Variants in ZNF831 observed in about 807,000 individuals in gnomAD.
ZNF831 encodes zinc finger protein 831, also known as chromosome 20 open reading frame 174.
Under a neutral mutation model 95.8 loss-of-function variants are expected in ZNF831, and 59 were observed. The observed-to-expected ratio is 0.62, with a 90% CI of 0.50 to 0.77. The LOEUF (loss-of-function observed/expected upper bound fraction) is 0.77, where lower values mean the gene tolerates loss of function less well. Ranked by LOEUF, ZNF831 falls within the 30% of genes least tolerant of loss-of-function variation. ZNF831 has a pLI of 0.00. For synonymous variants in ZNF831, 961 were observed against 925.5 expected, an observed-to-expected ratio of 1.04 and a Z score of -0.70; for missense variants, 2,205 against 2,164.0, an observed-to-expected ratio of 1.02 and a Z score of -0.38.
intron 4 of ZNF831, among the ~76,000 whole-genome samples, chr20:59,213,488 C>T (rs1472727019): frequency 1.3e-5 from 2 of 152,216 alleles, no homozygotes; most frequent in African/African-American, 4.8e-5. Flanking sequence ...ACCTTGTTTA[C>T]CAAGCTGCTA....
chr20:59,249,931 G>C (rs1987800615), intron 4 of ZNF831, among the ~76,000 whole-genome samples: 1 of 152,162 alleles, frequency 6.6e-6, no homozygotes, highest in Non-Finnish European at 1.5e-5. Flanking sequence ...CCACCAGTTT[G>C]AAAACTGGAG....
intron 2 of ZNF831, among the ~76,000 whole-genome samples, chr20:59,155,312 G>C (rs886989552): frequency 6.6e-6 from 1 of 152,198 alleles, no homozygotes; most frequent in African/African-American, 2.4e-5. Context: ...TTGTTAGCAG[G>C]CAGGAAAGCA....
intron 2 of ZNF831, among the ~76,000 whole-genome samples, chr20:59,149,786 G>A (rs1980115007): frequency 6.6e-6 from 1 of 152,236 alleles, no homozygotes; most frequent in Admixed American, 6.5e-5. Flanking sequence ...GGGCCCCAGG[G>A]AATCCGGCAA....
chr20:59,220,934 C>G (rs571596205), intron 4 of ZNF831, among the ~76,000 whole-genome samples: 1 of 152,264 alleles, frequency 6.6e-6, no homozygotes, highest in Non-Finnish European at 1.5e-5. Context: ...GTCTCAGGTC[C>G]TCATCTGTAG....
intron 1 of ZNF831, among the ~76,000 whole-genome samples, chr20:59,182,338 TTTTGCATTATGC>T (rs1437561491): frequency 6.6e-6 from 1 of 152,172 alleles, no homozygotes; most frequent in Non-Finnish European, 1.5e-5. Context: ...ATTTTTCCCA[TTTTGCATTATGC>T]TGTGATCAGT....
At chr20:59,124,407 A>G (rs1199736093) in intron 1 of ZNF831, among the ~76,000 whole-genome samples, 1 of 152,126 alleles carries the variant, frequency 6.6e-6, no homozygotes, top group East Asian at 1.9e-4. Context: ...AGTGCCACAT[A>G]AGGTTTGTTT....
intron 2 of ZNF831, among the ~76,000 whole-genome samples, chr20:59,158,736 G>T (rs887658695): frequency 6.6e-6 from 1 of 152,164 alleles, no homozygotes; most frequent in South Asian, 2.1e-4. Context: ...TTGACATTAG[G>T]AGGGACTTTT....
intron 1 of ZNF831, among the ~76,000 whole-genome samples, chr20:59,164,935 A>G (rs1455234746): frequency 6.6e-6 from 1 of 152,242 alleles, no homozygotes; most frequent in Non-Finnish European, 1.5e-5. Context: ...CAACTTAGAA[A>G]AATGGTAACA....
upstream of ZNF831, chr20:59,160,830 G>A (rs1330956433): frequency 6.6e-6 from 1 of 151,296 alleles, no homozygotes; most frequent in Non-Finnish European, 1.5e-5. Flanking sequence ...GCTGCATGAG[G>A]TAGTTTTGTT....
chr20:59,220,078 C>A lies in ZNF831; in HGVS notation c.4027+13022C>A, dbSNP rs114484794. ...TCCCACACCTGAAATGGGGACGGTT[C>A]TGCTTTTGAAAGACTTTCTGAAAAC... On this transcript the variant is annotated intron_variant, in intron 4 of 5. Coordinates refer to ENST00000371030, the MANE Select transcript of ZNF831 (RefSeq NM_178457.3). Among the ~76,000 whole-genome samples, 472 of 152,320 alleles carry A rather than the reference C, an allele frequency of 3.1e-3. 5 individuals carry two copies. The highest frequency in any genetic ancestry group is 0.011 in the African/African-American group (445 of 41,560).
chr20:59,162,404 T>C (rs1198503552), upstream of ZNF831, among the ~76,000 whole-genome samples: 1 of 152,234 alleles, frequency 6.6e-6, no homozygotes, highest in Admixed American at 6.5e-5. Context: ...ATTTAAGTAT[T>C]TAATTCATTT....
intron 1 of ZNF831, among the ~76,000 whole-genome samples, chr20:59,167,414 G>T (rs1981363964): frequency 6.7e-6 from 1 of 149,356 alleles, no homozygotes. Context: ...TTATAAGCAG[G>T]GGTTTGCACA....
At chr20:59,184,885 C>T (rs1407969148) in intron 1 of ZNF831, among the ~76,000 whole-genome samples, 2 of 152,212 alleles carry the variant, frequency 1.3e-5, no homozygotes, top group Non-Finnish European at 2.9e-5. Context: ...GTTCCCCTCT[C>T]CTCCATAAAG....
chr20:59,199,220 T>C (rs750828050), intron 3 of ZNF831, among the ~76,000 whole-genome samples: 3 of 152,110 alleles, frequency 2.0e-5, no homozygotes, highest in Non-Finnish European at 4.4e-5. Context: ...CTTAATGTTC[T>C]ACAGAAAATG....
intron 4 of ZNF831, among the ~76,000 whole-genome samples, chr20:59,250,074 AAG>A (rs1293387098): frequency 6.6e-6 from 1 of 152,192 alleles, no homozygotes; most frequent in South Asian, 2.1e-4. Flanking sequence ...TTGAAAGACT[AAG>A]AAGCAATCAG....
At chr20:59,172,518 G>T (rs1981830752) in intron 1 of ZNF831, among the ~76,000 whole-genome samples, 1 of 152,174 alleles carries the variant, frequency 6.6e-6, no homozygotes, top group Non-Finnish European at 1.5e-5. Context: ...GGCCTTCTGG[G>T]TCTTCTTGAG....
At chr20:59,145,225 T>C (rs747664788) in intron 1 of ZNF831, among the ~76,000 whole-genome samples, 1 of 152,238 alleles carries the variant, frequency 6.6e-6, no homozygotes, top group Non-Finnish European at 1.5e-5. Flanking sequence ...TCTGGCCCAA[T>C]CTTGCTCTCT....
chr20:59,137,902 C>T (rs536557046), intron 1 of ZNF831, among the ~76,000 whole-genome samples: 2 of 152,334 alleles, frequency 1.3e-5, no homozygotes, highest in East Asian at 3.9e-4. Flanking sequence ...GCCCCTTCCT[C>T]ACTTGCTATC....
intron 2 of ZNF831, among the ~76,000 whole-genome samples, chr20:59,148,628 C>A (rs1363199902): frequency 2.1e-5 from 2 of 93,896 alleles, no homozygotes; most frequent in Non-Finnish European, 4.1e-5. Flanking sequence ...TGCAGTGAGT[C>A]GAGATCGCGC....
Sources: gnomAD v4.1 joint callset for allele counts (sites outside exome capture counted in the v4.1 genomes callset) on GRCh38, gnomAD v4.1.1 for gene constraint, MANE v1.5 for transcripts, NCBI Gene and HGNC (gene_info 2026-07-23, HGNC 2026-07-21) for gene names.